The following ADGRL4 variants were observed in gnomAD, a reference collection of about 807,000 sequenced individuals.
ADGRL4 encodes the protein EGF, latrophilin and seven transmembrane domain containing 1.
Under a neutral mutation model 74.8 loss-of-function variants are expected in ADGRL4, and 90 were observed. The ratio of observed to expected loss-of-function variants is 1.20; its 90% CI spans 1.02 to 1.43. ADGRL4 has a LOEUF of 1.43. ADGRL4 is among the 40% of genes most tolerant of loss of function. ADGRL4 has a pLI of 0.00. For missense variants in ADGRL4, 881 were observed against 814.3 expected (o/e 1.08, Z -1.00); for synonymous variants, 311 against 279.2 (o/e 1.11, Z -1.14).
chr1:78,990,831 G>C (rs1650594150), intron 2 of ADGRL4, among the ~76,000 whole-genome samples: 1 of 151,930 alleles, frequency 6.6e-6, no homozygotes, highest in Non-Finnish European at 1.5e-5. Flanking sequence ...ATAGGTTTCT[G>C]TGTTTATAAA....
At chr1:79,004,699 A>G (rs541008902) in intron 2 of ADGRL4, among the ~76,000 whole-genome samples, 344 of 152,208 alleles carry the variant, frequency 2.3e-3, no homozygotes, top group Middle Eastern at 0.01. Context: ...GTATAAAAAT[A>G]CTTATATACT....
chr1:78,943,272 C>A (rs1649529856), intron 3 of ADGRL4, among the ~76,000 whole-genome samples: 1 of 152,134 alleles, frequency 6.6e-6, no homozygotes, highest in Non-Finnish European at 1.5e-5. Flanking sequence ...TGAAGGAATT[C>A]ATGGCTTCTA....
chr1:78,972,934 G>A (rs1650200017), intron 2 of ADGRL4, among the ~76,000 whole-genome samples: 1 of 152,142 alleles, frequency 6.6e-6, no homozygotes, highest in Non-Finnish European at 1.5e-5. Flanking sequence ...GCTCTTACCA[G>A]GTGCAGGCCT....
chr1:78,963,366 C>T (rs1157176703), intron 2 of ADGRL4, among the ~76,000 whole-genome samples: 1 of 152,138 alleles, frequency 6.6e-6, no homozygotes, highest in African/African-American at 2.4e-5. Flanking sequence ...GTCTGCTTTG[C>T]CTACCTGATC....
At chr1:78,934,938 G>A (rs1018751545) in intron 7 of ADGRL4, among the ~76,000 whole-genome samples, 6 of 152,136 alleles carry the variant, frequency 3.9e-5, no homozygotes, top group African/African-American at 7.2e-5. Context: ...AAATAGGAAC[G>A]CTTTTACACT....
intron 12 of ADGRL4, among the ~76,000 whole-genome samples, chr1:78,911,871 C>A (rs1328468220): frequency 1.3e-5 from 2 of 151,848 alleles, no homozygotes; most frequent in African/African-American, 2.4e-5. Context: ...TCATTAACTT[C>A]ATCTGCATAT....
At position 78,982,036 on chromosome 1, in the gene ADGRL4, G is replaced by A. The variant is rs534458609; in HGVS notation, c.172+23034C>T. Among the ~76,000 whole-genome samples the A allele has an allele frequency of 2.3e-4, 35 of 151,720 alleles. 1 individual carries two copies. Among genetic ancestry groups the A allele is most frequent in the South Asian group, 1.9e-3 (9 of 4,810 alleles). On this transcript the variant is annotated intron_variant, in intron 2 of 14. Coordinates refer to ENST00000370742, the MANE Select transcript of ADGRL4 (RefSeq NM_022159.4). The stretch of plus-strand genomic sequence containing the variant: ...CTTCTAAAATACATGTTGGTAGTTC[G>A]CTTCTTTGAACCTTACACAAATTTT...
intron 2 of ADGRL4, among the ~76,000 whole-genome samples, chr1:78,987,724 G>A (rs971332523): frequency 2.0e-5 from 3 of 151,704 alleles, no homozygotes; most frequent in Non-Finnish European, 4.4e-5. Flanking sequence ...TATATGGAGA[G>A]TTTCTTTGCT....
Position 78,946,228 on chromosome 1 carries a change from A to G in ADGRL4, c.325+46T>C, listed in dbSNP as rs1284925675. 3 of 1,517,532 alleles carry G rather than the reference A, an allele frequency of 2.0e-6. No individual in the cohort carries two copies. The African/African-American group carries it at 4.2e-5, about 21-fold the overall frequency. 94.0% of individuals were successfully genotyped at this position (1,517,532 alleles called of 1,614,324 possible). A position where few individuals can be genotyped will look rare whatever the true frequency, so the allele number is the denominator to read the frequency against. ...TATGTTTAACCTCTGGAGGTAACAA[A>G]CAATAAGAGATATATACAAATTCTA... On this transcript the variant is annotated intron_variant, in intron 3 of 14. Transcript: ENST00000370742.
chr1:78,951,288 A>G (rs1649717330), intron 2 of ADGRL4, among the ~76,000 whole-genome samples: 1 of 152,014 alleles, frequency 6.6e-6, no homozygotes, highest in Non-Finnish European at 1.5e-5. Context: ...CTTACCAATC[A>G]AGTGATAAAG....
intron 2 of ADGRL4, among the ~76,000 whole-genome samples, chr1:78,977,156 C>T (rs1281004266): frequency 6.6e-6 from 1 of 151,394 alleles, no homozygotes; most frequent in Admixed American, 6.6e-5. Context: ...ACTATATTGA[C>T]AAAATGAAAA....
chr1:78,891,662 C>A lies in ADGRL4; in HGVS notation c.1872G>T (p.Leu624=), dbSNP rs1201666000. The A allele has an allele frequency of 6.2e-7, 1 of 1,612,878 alleles. No individual in the cohort carries two copies. The change falls in exon 14 of 15, where the codon CTG becomes CTT. Residue 624 remains leucine (L), a synonymous_variant. Transcript: ENST00000370742. ...RSCARGALAL[L]FLLGTTWIFG... ...AGATCCAGGTGGTGCCGAGAAGGAA[C>A]AGAAGAGCGAGGGCTCCTCTTGCAC...
chr1:78,894,524 CAATT>C (rs1173547374), intron 12 of ADGRL4, among the ~76,000 whole-genome samples: 2 of 151,626 alleles, frequency 1.3e-5, no homozygotes, highest in African/African-American at 2.4e-5. Context: ...ACTGAAATGA[CAATT>C]AAATAATATT....
rs139830989 is a variant in ADGRL4, at chr1:78,945,287, C to T, written c.325+987G>A. On this transcript the variant is annotated intron_variant, in intron 3 of 14. Coordinates refer to ENST00000370742, the MANE Select transcript of ADGRL4 (RefSeq NM_022159.4). The stretch of plus-strand genomic sequence containing the variant: ...ATCTAACTATATCATTTAGAAGCAG[C>T]GCATTACCCTTCTCTATGTTGCATG... 2.6e-4 allele frequency among the ~76,000 whole-genome samples: 39 copies of T among 151,218 alleles called. No individual in the cohort carries two copies. In the East Asian group the frequency reaches 5.1e-3, roughly 20 times the overall value.
chr1:79,002,638 A>C (rs940726184), intron 2 of ADGRL4, among the ~76,000 whole-genome samples: 1 of 152,090 alleles, frequency 6.6e-6, no homozygotes, highest in African/African-American at 2.4e-5. Context: ...GGGTCAACCA[A>C]CCAAACAAGT....
At chr1:78,960,063 A>C (rs1425111835) in intron 2 of ADGRL4, among the ~76,000 whole-genome samples, 1 of 152,204 alleles carries the variant, frequency 6.6e-6, no homozygotes, top group Non-Finnish European at 1.5e-5. Context: ...TTAAGAAGTG[A>C]AACAGCCCAA....
At chr1:78,899,361 A>C (rs1648470963) in intron 12 of ADGRL4, among the ~76,000 whole-genome samples, 2 of 151,966 alleles carry the variant, frequency 1.3e-5, no homozygotes. Flanking sequence ...TATGTATGTA[A>C]GTATTTATTT....
chr1:78,983,914 T>C (rs1406416827), intron 2 of ADGRL4, among the ~76,000 whole-genome samples: 1 of 151,796 alleles, frequency 6.6e-6, no homozygotes, highest in Non-Finnish European at 1.5e-5. Flanking sequence ...TAGGAAAAAG[T>C]ATCTGTAAAC....
At chr1:79,003,718 T>G (rs1250914105) in intron 2 of ADGRL4, among the ~76,000 whole-genome samples, 1 of 151,982 alleles carries the variant, frequency 6.6e-6, no homozygotes, top group Non-Finnish European at 1.5e-5. Context: ...AGTATCTAAA[T>G]AACAAAAAGG....
Sources: gnomAD v4.1 joint callset for allele counts (sites outside exome capture counted in the v4.1 genomes callset) on GRCh38, gnomAD v4.1.1 for gene constraint, MANE v1.5 for transcripts, NCBI Gene and HGNC (gene_info 2026-07-23, HGNC 2026-07-21) for gene names.